SAMD3: variants seen among roughly 807,000 people sequenced by gnomAD.
SAMD3 encodes the protein sterile alpha motif domain-containing protein 3.
In SAMD3, 63 loss-of-function variants were observed where a neutral mutation model predicts 58.5. That is an observed-to-expected ratio of 1.08 (90% CI 0.88 to 1.33). SAMD3 has a LOEUF of 1.33. Among genes scored for constraint, SAMD3 ranks in the 40% most tolerant of loss-of-function variants. SAMD3 has a pLI of 0.00. For missense variants in SAMD3, 604 were observed against 608.4 expected (o/e 0.99, Z 0.08); for synonymous variants, 220 against 210.3 (o/e 1.05, Z -0.40).
chr6:130,214,567 G>A lies in SAMD3; in HGVS notation c.80-41C>T, dbSNP rs371453973. 115 of 1,483,572 alleles carry A rather than the reference G, an allele frequency of 7.8e-5. 2 individuals are homozygous for A. Among genetic ancestry groups the A allele is most frequent in the Admixed American group, 2.6e-4 (12 of 47,022 alleles). The allele number at this position is 1,483,572 out of a possible 1,614,324, so 91.9% of individuals were successfully genotyped here. ...AAAATTAGTTTCTACATGACTTTCC[G>A]GCAAAACACAGGCATTCTGAAGAGG... is the stretch of plus-strand genomic sequence containing the variant. On this transcript the variant is annotated intron_variant, in intron 3 of 11. Coordinates refer to ENST00000439090, the MANE Select transcript of SAMD3 (RefSeq NM_001017373.4).
intron 4 of SAMD3, among the ~76,000 whole-genome samples, chr6:130,209,849 C>G (rs537823933): frequency 6.6e-6 from 1 of 152,332 alleles, no homozygotes; most frequent in East Asian, 1.9e-4. Flanking sequence ...TTTCACCAGT[C>G]TATCCTATTT....
chr6:130,205,154 TAAAA>T (rs10680576), intron 5 of SAMD3, among the ~76,000 whole-genome samples: 1 of 138,194 alleles, frequency 7.2e-6, no homozygotes, highest in Non-Finnish European at 1.5e-5. Context: ...TTTGGCTCTG[TAAAA>T]AAAAAAAAAA....
At chr6:130,143,197 G>A (rs1212659627), downstream of SAMD3, 1 of 152,164 alleles carries the variant, frequency 6.6e-6, no homozygotes. Flanking sequence ...CCAGAGATGG[G>A]TAGTGTAAAA....
At chr6:130,277,208 T>C (rs898653790) in intron 2 of SAMD3, among the ~76,000 whole-genome samples, 1 of 152,246 alleles carries the variant, frequency 6.6e-6, no homozygotes, top group Non-Finnish European at 1.5e-5. Context: ...AATCCTTATC[T>C]TGTGGCCTTT....
chr6:130,196,348 A>G (rs900010586), intron 5 of SAMD3, among the ~76,000 whole-genome samples: 4 of 152,098 alleles, frequency 2.6e-5, no homozygotes, highest in African/African-American at 9.7e-5. Flanking sequence ...AAGTCCCACA[A>G]TTATCATTGT....
chr6:130,219,581 G>A (rs7776017), intron 1 of SAMD3, among the ~76,000 whole-genome samples: 56,683 of 152,014 alleles, frequency 0.37, 11,196 homozygotes, highest in African/African-American at 0.46. Context: ...GAGAACATAT[G>A]ATATTTGGTT....
intron 2 of SAMD3, among the ~76,000 whole-genome samples, chr6:130,290,858 C>A (rs1775338577): frequency 6.6e-6 from 1 of 152,156 alleles, no homozygotes; most frequent in South Asian, 2.1e-4. Flanking sequence ...GAAAATATAA[C>A]AATATACAAA....
intron 7 of SAMD3, among the ~76,000 whole-genome samples, chr6:130,181,065 G>T (rs1792283519): frequency 6.6e-6 from 1 of 150,858 alleles, no homozygotes; most frequent in Admixed American, 6.6e-5. Flanking sequence ...TCCTGCCTCA[G>T]CCTCCTGAGT....
intron 2 of SAMD3, among the ~76,000 whole-genome samples, chr6:130,284,616 G>A (rs1227931915): frequency 1.3e-5 from 2 of 152,128 alleles, no homozygotes; most frequent in Admixed American, 1.3e-4. Flanking sequence ...CAATAAAATT[G>A]TCTTTATAAG....
chr6:130,260,770 G>A (rs1222358379), intron 2 of SAMD3, among the ~76,000 whole-genome samples: 1 of 152,224 alleles, frequency 6.6e-6, no homozygotes, highest in Non-Finnish European at 1.5e-5. Flanking sequence ...TTTGCCCAGT[G>A]AGACGCCTCA....
chr6:130,171,043 G>A (rs1231792886), intron 8 of SAMD3, among the ~76,000 whole-genome samples: 1 of 152,134 alleles, frequency 6.6e-6, no homozygotes, highest in East Asian at 1.9e-4. Context: ...AATGCTTCCA[G>A]CTTTTGCCCA....
chr6:130,266,793 C>T (rs1298468893), intron 2 of SAMD3, among the ~76,000 whole-genome samples: 1 of 152,202 alleles, frequency 6.6e-6, no homozygotes, highest in African/African-American at 2.4e-5. Context: ...CTAGGCTTCC[C>T]TGCCTATGCT....
intron 4 of SAMD3, among the ~76,000 whole-genome samples, chr6:130,212,499 G>A (rs553080596): frequency 3.7e-4 from 57 of 152,198 alleles, no homozygotes; most frequent in Non-Finnish European, 7.6e-4. Context: ...TTCAGTCTAG[G>A]AGAAAAAGGA....
chr6:130,334,133 A>C (rs527894244), intron 1 of SAMD3, among the ~76,000 whole-genome samples: 4 of 152,302 alleles, frequency 2.6e-5, no homozygotes, highest in Middle Eastern at 3.4e-3. Flanking sequence ...AAAAACTAAG[A>C]ATATTCTCTG....
intron 8 of SAMD3, among the ~76,000 whole-genome samples, chr6:130,164,427 C>T (rs1206170600): frequency 6.6e-6 from 1 of 152,126 alleles, no homozygotes; most frequent in Non-Finnish European, 1.5e-5. Flanking sequence ...AAAGATAGTA[C>T]AAGGACACAG....
At chr6:130,288,250 T>C (rs556161202) in intron 2 of SAMD3, among the ~76,000 whole-genome samples, 1 of 152,186 alleles carries the variant, frequency 6.6e-6, no homozygotes, top group Non-Finnish European at 1.5e-5. Context: ...CTGGCAAGTC[T>C]GAAATTCGTA....
chr6:130,221,668 C>T (rs1015108432), intron 1 of SAMD3: 16 of 152,198 alleles, frequency 1.1e-4, no homozygotes, highest in African/African-American at 3.4e-4. Context: ...GATCTTCATA[C>T]TCGTCGTCTT....
chr6:130,288,105 A>C (rs948262543), intron 2 of SAMD3, among the ~76,000 whole-genome samples: 1 of 152,248 alleles, frequency 6.6e-6, no homozygotes, highest in African/African-American at 2.4e-5. Context: ...TGAGGTTCCC[A>C]AGAAAGTAGA....
At chr6:130,156,706 C>G (rs1789815138) in intron 8 of SAMD3, among the ~76,000 whole-genome samples, 1 of 152,014 alleles carries the variant, frequency 6.6e-6, no homozygotes, top group Non-Finnish European at 1.5e-5. Flanking sequence ...CACAGCAGCT[C>G]ACACCCAGTA....
Sources: allele counts gnomAD v4.1 joint callset (sites outside exome capture counted in the v4.1 genomes callset), GRCh38; gene constraint gnomAD v4.1.1; transcripts MANE v1.5; gene names NCBI Gene and HGNC (gene_info 2026-07-23, HGNC 2026-07-21).